ZNF280B: variants seen among roughly 807,000 people sequenced by gnomAD.
The protein encoded by ZNF280B is zinc finger protein 280B.
Under a neutral mutation model 38.0 loss-of-function variants are expected in ZNF280B, and 16 were observed. That is an observed-to-expected ratio of 0.42 (90% CI 0.28 to 0.64). The LOEUF (loss-of-function observed/expected upper bound fraction) is 0.64. Among genes scored for constraint, ZNF280B ranks in the 30% least tolerant of loss-of-function variants. The pLI, the probability that ZNF280B is intolerant of heterozygous loss-of-function variation, is 0.21. For synonymous variants in ZNF280B, 253 were observed against 230.6 expected, an observed-to-expected ratio of 1.10 and a Z score of -0.88; for missense variants, 581 against 639.6, an observed-to-expected ratio of 0.91 and a Z score of 0.99.
At chr22:22,502,170 C>T (rs375497922) in intron 2 of ZNF280B, among the ~76,000 whole-genome samples, 6 of 151,856 alleles carry the variant, frequency 4.0e-5, no homozygotes, top group African/African-American at 1.2e-4. Flanking sequence ...GAACACTTCT[C>T]CAAAGATACA....
chr22:22,497,087 G>T (rs1167287764), intron 2 of ZNF280B, among the ~76,000 whole-genome samples: 1 of 150,740 alleles, frequency 6.6e-6, no homozygotes, highest in East Asian at 2.0e-4. Context: ...CAAAGTACTG[G>T]AATTACAGGC....
Position 22,488,498 on chromosome 22 carries a change from G to A in ZNF280B, c.901C>T (p.Gln301Ter). ...CATTTAAAGGTGGTGTGAGTCTTCTGTTCCGGCTGCCCTTCTCCTTTATGC... is the reference window on the plus strand; with the variant it reads ...CATTTAAAGGTGGTGTGAGTCTTCTATTCCGGCTGCCCTTCTCCTTTATGC... ...GQHKGEGQPE[Q>*]KTHTTFKCLS... is the part of the protein sequence containing the mutation. The change falls in exon 4 of 4, where the codon CAG (glutamine) becomes TAG (stop). Residue 301 changes from glutamine (Q) to a stop codon, truncating the protein, a stop_gained. Coordinates refer to ENST00000626650, the MANE Select transcript of ZNF280B (RefSeq NM_080764.4). LOFTEE classifies it high-confidence loss of function. 6.2e-7 allele frequency: 1 copy of A among 1,613,918 alleles called. No individual in the cohort carries two copies. Among genetic ancestry groups the A allele is most frequent in the Middle Eastern group, 1.7e-4 (1 of 6,054 alleles).
chr22:22,508,081 C>A (rs2061975698), intron 1 of ZNF280B, among the ~76,000 whole-genome samples: 1 of 151,880 alleles, frequency 6.6e-6, no homozygotes, highest in African/African-American at 2.4e-5. Context: ...AAATCAAAAG[C>A]CTGCAAATCA....
At chr22:22,494,855 G>A (rs1443782135) in intron 2 of ZNF280B, among the ~76,000 whole-genome samples, 1 of 151,916 alleles carries the variant, frequency 6.6e-6, no homozygotes, top group African/African-American at 2.4e-5. Context: ...TCCTGCCTGA[G>A]GAGCTGGGAT....
rs1258140677 is a variant in ZNF280B at position 22,487,841 on chromosome 22, T to C, written c.1558A>G (p.Ile520Val). 1.9e-6 allele frequency: 3 copies of C among 1,613,786 alleles called. No individual in the cohort carries two copies. The highest frequency in any genetic ancestry group is 1.7e-5 in the Admixed American group (1 of 59,982). Reference protein sequence around the residue: ...LQPGSVDVASITVSTSDSEPS... With the variant: ...LQPGSVDVASVTVSTSDSEPS... ...TCAGAGTCAGATGTGCTCACAGTTA[T>C]GGATGCTACATCCACTGATCCTGGC... Residue 520 changes from isoleucine to valine, a missense_variant, in exon 4 of 4, where the codon ATA (isoleucine) becomes GTA (valine). By Grantham distance (29) the Ile-to-Val change is conservative (BLOSUM62 3). Transcript: ENST00000626650.
Position 22,487,447 on chromosome 22 carries a change from TA to T in ZNF280B, c.*319del, listed in dbSNP as rs71199481. ...TAACAGTGAGACCCTGTCTCTAAAG[TA>T]AAAAAAAAAAAAAAAAAAAAAAAAA... On this transcript the variant is annotated 3_prime_UTR_variant, in exon 4 of 4. Transcript: ENST00000626650. The T allele has an allele frequency of 0.04, 2,631 of 66,472 alleles. 31 individuals carry two copies. The highest frequency in any genetic ancestry group is 0.093 in the African/African-American group (1,868 of 20,188). 4.1% of individuals were successfully genotyped at this position (66,472 alleles called of 1,614,324 possible). A position where few individuals can be genotyped will look rare whatever the true frequency, so the allele number is the denominator to read the frequency against.
rs1320588208 is a variant in ZNF280B, at chr22:22,488,622, C to T, written c.777G>A (p.Leu259=). 2 of 1,613,750 alleles carry T rather than the reference C, an allele frequency of 1.2e-6. No homozygotes were observed. The highest frequency in any genetic ancestry group is 3.3e-5 in the Admixed American group (2 of 59,976). ...TTAGACTCAAAATGTCTGTTTTTGC[C>T]AATTCATTTGCCCTATCAAGATTTG... ...INTNLDRANE[L]AKTDILSLTS... Residue 259 remains leucine (L), a synonymous_variant, in exon 4 of 4, where the codon TTG becomes TTA. Coordinates refer to ENST00000626650, the MANE Select transcript of ZNF280B (RefSeq NM_080764.4).
In ZNF280B at chr22:22,485,562, A is replaced by C. The variant is rs1015306148; in HGVS notation, c.*2205T>G. ...ACAGAATCTATGGATCTAGAGTCAGAAAATTTTCTAAAATGTAGATAATAT... is the reference window on the plus strand; with the variant it reads ...ACAGAATCTATGGATCTAGAGTCAGCAAATTTTCTAAAATGTAGATAATAT... On this transcript the variant is annotated 3_prime_UTR_variant, in exon 4 of 4. Transcript: ENST00000626650. 5 of 151,958 alleles carry C rather than the reference A, an allele frequency of 3.3e-5. No homozygotes were observed. The highest frequency in any genetic ancestry group is 1.2e-4 in the African/African-American group (5 of 41,366). The allele number at this position is 151,958 out of a possible 1,614,324, so 9.4% of individuals were successfully genotyped here.
In ZNF280B at chr22:22,488,374, T is replaced by C; in HGVS notation, c.1025A>G (p.His342Arg). The C allele has an allele frequency of 6.2e-7, 1 of 1,613,826 alleles. No homozygotes were observed. The highest frequency in any genetic ancestry group is 8.5e-7 in the Non-Finnish European group (1 of 1,179,970). ...EKQRNDSWEN[H>R]TTCQHCHRQF... is the part of the protein sequence containing the mutation. ...CCGGTGGCAGTGCTGGCAGGTGGTGTGGTTTTCCCAGCTGTCGTTCCTCTG... is the reference window on the plus strand; with the variant it reads ...CCGGTGGCAGTGCTGGCAGGTGGTGCGGTTTTCCCAGCTGTCGTTCCTCTG... Residue 342 changes from histidine to arginine, a missense_variant, in exon 4 of 4, where the codon CAC becomes CGC. His to Arg is a conservative substitution (Grantham distance 29, BLOSUM62 0). Transcript: ENST00000626650.
intron 2 of ZNF280B, among the ~76,000 whole-genome samples, chr22:22,495,106 T>G (rs1431242341): frequency 6.6e-6 from 1 of 151,972 alleles, no homozygotes; most frequent in African/African-American, 2.4e-5. Context: ...CCCAAACTAT[T>G]GGTCCTTATG....
At chr22:22,500,483 C>T (rs1431987844) in intron 2 of ZNF280B, among the ~76,000 whole-genome samples, 1 of 151,672 alleles carries the variant, frequency 6.6e-6, no homozygotes, top group Non-Finnish European at 1.5e-5. Flanking sequence ...TAAAATAAAC[C>T]AGTCACAAAA....
chr22:22,492,885 C>T (rs562946626), intron 3 of ZNF280B, among the ~76,000 whole-genome samples: 2 of 125,324 alleles, frequency 1.6e-5, no homozygotes, highest in African/African-American at 2.8e-5. Context: ...GACTGCATCT[C>T]AAAAAAAAAA....
intron 2 of ZNF280B, among the ~76,000 whole-genome samples, chr22:22,504,683 T>C (rs1460834203): frequency 2.0e-5 from 3 of 151,984 alleles, no homozygotes; most frequent in African/African-American, 7.2e-5. Flanking sequence ...TTAGTGGAAC[T>C]ATAGCTATAA....
At position 22,489,482 on chromosome 22, in the gene ZNF280B, C is replaced by T; in HGVS notation, c.-68-16G>A. 1 of 1,209,264 alleles carries T rather than the reference C, an allele frequency of 8.3e-7. No homozygotes were observed. Among genetic ancestry groups the T allele is most frequent in the South Asian group, 1.5e-5 (1 of 66,284 alleles). The allele number at this position is 1,209,264 out of a possible 1,614,324, so 74.9% of individuals were successfully genotyped here. ...AAACTGCCACCTAAGTACAAACATA[C>T]ATCAGTAAGTACAGGAAAATGCATT... On this transcript the variant is annotated splice_polypyrimidine_tract_variant and intron_variant, in intron 3 of 3. Coordinates refer to ENST00000626650, the MANE Select transcript of ZNF280B (RefSeq NM_080764.4).
chr22:22,491,498 G>A (rs1445897613), intron 3 of ZNF280B, among the ~76,000 whole-genome samples: 6 of 129,320 alleles, frequency 4.6e-5, no homozygotes, highest in South Asian at 2.4e-4. Flanking sequence ...TAGCTCTGTC[G>A]CCCAGGCTGG....
Position 22,489,208 on chromosome 22 carries a change from A to G in ZNF280B, c.191T>C (p.Val64Ala), listed in dbSNP as rs1569174504. The change falls in exon 4 of 4, where the codon GTC becomes GCC. Residue 64 changes from valine to alanine, a missense_variant. Val to Ala is a moderately conservative substitution (Grantham distance 64). Transcript: ENST00000626650. ...TCTCCTTGACCATGAACCCGGGGTG[A>G]CTCTGTTCAAAATGTTTGAAACGAC... ...KPVVSNILNRVTPGSWSRRKK... is the reference protein window; with the variant it reads ...KPVVSNILNRATPGSWSRRKK... 1 of 1,613,662 alleles carries G rather than the reference A, an allele frequency of 6.2e-7. No individual in the cohort carries two copies. The highest frequency in any genetic ancestry group is 1.7e-5 in the Admixed American group (1 of 59,952).
At chr22:22,508,612 G>C (rs2061989725) in intron 1 of ZNF280B, 47 bp downstream of exon 1, 1 of 152,132 alleles carries the variant, frequency 6.6e-6, no homozygotes, top group African/African-American at 2.4e-5. Context: ...AATCCCTCAA[G>C]TCTCCCCTCA....
intron 1 of ZNF280B, among the ~76,000 whole-genome samples, chr22:22,508,080 G>A (rs1239436114): frequency 6.6e-6 from 1 of 151,864 alleles, no homozygotes; most frequent in Non-Finnish European, 1.5e-5. Context: ...CAAATCAAAA[G>A]CCTGCAAATC....
chr22:22,496,850 C>T (rs2061706781), intron 2 of ZNF280B, among the ~76,000 whole-genome samples: 1 of 147,076 alleles, frequency 6.8e-6, no homozygotes, highest in African/African-American at 2.5e-5. Context: ...GGGAGTCTCG[C>T]TCTGTCACCC....
Sources: allele counts gnomAD v4.1 joint callset (sites outside exome capture counted in the v4.1 genomes callset), GRCh38; gene constraint gnomAD v4.1.1; transcripts MANE v1.5; gene names NCBI Gene and HGNC (gene_info 2026-07-23, HGNC 2026-07-21).